The following IL1RAPL2 variants were observed in gnomAD, a reference collection of about 807,000 sequenced individuals.
IL1RAPL2 encodes the protein interleukin 1 receptor accessory protein like 2.
IL1RAPL2 carries 3 observed loss-of-function variants against 44.1 expected under a neutral mutation model. The observed-to-expected ratio is 0.07, with a 90% confidence interval of 0.03 to 0.18. The LOEUF (loss-of-function observed/expected upper bound fraction) is 0.18. Ranked by LOEUF, IL1RAPL2 falls within the 10% of genes least tolerant of loss-of-function variation. The pLI is 1.00. For missense variants in IL1RAPL2, 391 were observed against 496.4 expected, an observed-to-expected ratio of 0.79 and a Z score of 2.02; for synonymous variants, 181 against 178.8, an observed-to-expected ratio of 1.01 and a Z score of -0.10.
chrX:105,301,050 A>G (rs1174841747), intron 5 of IL1RAPL2, among the ~76,000 whole-genome samples: 1 of 111,813 alleles, frequency 8.9e-6, no homozygotes, highest in Non-Finnish European at 1.9e-5. Context: ...AAAAACTCAA[A>G]ATAATGGACA....
intron 2 of IL1RAPL2, among the ~76,000 whole-genome samples, chrX:104,689,099 G>C (rs1029728940): frequency 9.0e-6 from 1 of 111,698 alleles, no homozygotes; most frequent in Non-Finnish European, 1.9e-5. Flanking sequence ...AAAAACCAAC[G>C]TATAAGTACA....
chrX:105,621,953 A>C (rs2147831396), intron 6 of IL1RAPL2, among the ~76,000 whole-genome samples: 1 of 110,080 alleles, frequency 9.1e-6, no homozygotes, highest in East Asian at 2.9e-4. Context: ...CTTCTCACCT[A>C]AATGTGTGTG....
At chrX:104,660,432 T>C (rs778639557) in intron 2 of IL1RAPL2, among the ~76,000 whole-genome samples, 18 of 109,131 alleles carry the variant, frequency 1.6e-4, no homozygotes, top group Non-Finnish European at 1.9e-5. Flanking sequence ...TGTATTATGG[T>C]AGCTTAATTG....
At chrX:105,716,592 C>T in intron 6 of IL1RAPL2, among the ~76,000 whole-genome samples, 1 of 111,645 alleles carries the variant, frequency 9.0e-6, no homozygotes, top group Non-Finnish European at 1.9e-5. Flanking sequence ...TCCTGGAAAC[C>T]CCAGACAGAC....
intron 2 of IL1RAPL2, among the ~76,000 whole-genome samples, chrX:104,811,224 A>G (rs1241754623): frequency 8.9e-6 from 1 of 111,825 alleles, no homozygotes; most frequent in African/African-American, 3.2e-5. Context: ...CAAAACAAAC[A>G]AAAAAACAAG....
intron 2 of IL1RAPL2, among the ~76,000 whole-genome samples, chrX:104,983,605 ATATATAATAT>A (rs2030501116): frequency 1.4e-5 from 1 of 71,026 alleles, no homozygotes; most frequent in African/African-American, 4.9e-5. Context: ...TATATGCATA[ATATATAATAT>A]TATATTATAT....
At chrX:105,142,300 T>G (rs1240988225) in intron 2 of IL1RAPL2, among the ~76,000 whole-genome samples, 1 of 111,841 alleles carries the variant, frequency 8.9e-6, no homozygotes, top group Non-Finnish European at 1.9e-5. Flanking sequence ...TCTTATCCAT[T>G]GTTTGATCTT....
At chrX:104,751,308 A>G (rs771383436) in intron 2 of IL1RAPL2, among the ~76,000 whole-genome samples, 2 of 111,691 alleles carry the variant, frequency 1.8e-5, no homozygotes, top group Non-Finnish European at 3.8e-5. Flanking sequence ...AGAAAAACAT[A>G]TGGTTCCTGC....
chrX:105,463,372 G>T (rs931603577), intron 5 of IL1RAPL2, among the ~76,000 whole-genome samples: 1 of 111,309 alleles, frequency 9.0e-6, no homozygotes, highest in African/African-American at 3.3e-5. Flanking sequence ...TTGTATTATT[G>T]ATTTGATAAT....
At chrX:105,726,402 G>T (rs1001215683) in intron 7 of IL1RAPL2, among the ~76,000 whole-genome samples, 1 of 111,463 alleles carries the variant, frequency 9.0e-6, no homozygotes, top group Non-Finnish European at 1.9e-5. Flanking sequence ...CAATTGTCCA[G>T]AATGTTTTGT....
intron 2 of IL1RAPL2, among the ~76,000 whole-genome samples, chrX:105,144,094 G>GGTGTGTGTGT (rs762069943): frequency 8.0e-4 from 64 of 79,564 alleles, no homozygotes; most frequent in Non-Finnish European, 1.1e-3. Context: ...TCAACAGATG[G>GGTGTGTGTGT]GTGTGTGTGT....
intron 2 of IL1RAPL2, among the ~76,000 whole-genome samples, chrX:105,178,189 C>T (rs747015878): frequency 1.3e-4 from 15 of 111,345 alleles, no homozygotes; most frequent in Non-Finnish European, 2.1e-4. Flanking sequence ...TCCATCGAGA[C>T]CAATTCTTTT....
chrX:104,749,073 A>G (rs1409162141), intron 2 of IL1RAPL2, among the ~76,000 whole-genome samples: 1 of 111,419 alleles, frequency 9.0e-6, no homozygotes, highest in Non-Finnish European at 1.9e-5. Context: ...AGTCCCAGGG[A>G]AATATAACAG....
At chrX:105,306,390 CT>C in intron 5 of IL1RAPL2, among the ~76,000 whole-genome samples, 1 of 111,520 alleles carries the variant, frequency 9.0e-6, no homozygotes, top group East Asian at 2.8e-4. Context: ...TTACTTTCAA[CT>C]AATCTGAAGT....
intron 2 of IL1RAPL2, among the ~76,000 whole-genome samples, chrX:104,760,112 C>A (rs1932402267): frequency 1.8e-5 from 2 of 111,974 alleles, no homozygotes; most frequent in Non-Finnish European, 3.8e-5. Context: ...CATGTTGTTG[C>A]AAATGATGGA....
intron 6 of IL1RAPL2, among the ~76,000 whole-genome samples, chrX:105,529,653 G>C (rs1448736631): frequency 9.0e-6 from 1 of 111,385 alleles, no homozygotes; most frequent in African/African-American, 3.3e-5. Context: ...TCACATTTTT[G>C]TGCAACCATC....
chrX:105,467,630 T>G (rs1432437832), intron 5 of IL1RAPL2, among the ~76,000 whole-genome samples: 4 of 111,297 alleles, frequency 3.6e-5, no homozygotes. Flanking sequence ...GATCTACACT[T>G]TTACTTTCTT....
intron 2 of IL1RAPL2, among the ~76,000 whole-genome samples, chrX:105,017,782 G>A (rs770992588): frequency 2.7e-5 from 3 of 111,210 alleles, no homozygotes; most frequent in Non-Finnish European, 5.7e-5. Flanking sequence ...AGCAATAAAA[G>A]TAAAAAGAAG....
At chrX:104,928,780 A>C (rs1418916228) in intron 2 of IL1RAPL2, among the ~76,000 whole-genome samples, 2 of 111,049 alleles carry the variant, frequency 1.8e-5, no homozygotes, top group Non-Finnish European at 3.8e-5. Context: ...GCTTGTGTTG[A>C]ATTGGTATTT....
Sources: gnomAD v4.1 joint callset for allele counts (sites outside exome capture counted in the v4.1 genomes callset) on GRCh38, gnomAD v4.1.1 for gene constraint, MANE v1.5 for transcripts, NCBI Gene and HGNC (gene_info 2026-07-23, HGNC 2026-07-21) for gene names.